The following FMN1 variants were observed in gnomAD, a reference collection of about 807,000 sequenced individuals.
The protein encoded by FMN1 is formin-1.
In FMN1, 110 loss-of-function variants were observed where a neutral mutation model predicts 132.4. The ratio of observed to expected loss-of-function variants is 0.83; its 90% CI spans 0.71 to 0.97. FMN1 has a LOEUF of 0.97. Among genes scored for constraint, FMN1 ranks in the 50% least tolerant of loss-of-function variants. The probability of loss-of-function intolerance (pLI) is 0.00; values close to 1 mark genes in which losing one functional copy is unlikely to be tolerated. For missense variants in FMN1, 1,792 were observed against 1,705.3 expected (o/e 1.05, Z -0.90); for synonymous variants, 722 against 651.7 (o/e 1.11, Z -1.64).
chr15:32,774,467 C>T, intron 20 of FMN1, 113 bp from the exon 21 acceptor site: 1 of 802,222 alleles, frequency 1.2e-6, no homozygotes, highest in Non-Finnish European at 2.0e-6. Context: ...GCCAAATGGC[C>T]TAGAAATGAG....
intron 17 of FMN1, chr15:32,810,832 ACACTTT>A (rs2057850407): frequency 2.6e-6 from 1 of 385,228 alleles, no homozygotes; most frequent in Non-Finnish European, 5.1e-6. Context: ...ACAGTCTATT[ACACTTT>A]AATATACCAT....
rs139021436 is a variant in FMN1 at position 33,059,858 on chromosome 15, T to C, written c.2161+5099A>G. ...CTCCTGAGCCAAAGATCTTTACTAG[T>C]ATCTCCTTGAACACAATATGTGATT... On this transcript the variant is annotated intron_variant, in intron 6 of 20. Transcript: ENST00000616417. 2.0e-3 allele frequency among the ~76,000 whole-genome samples: 312 copies of C among 152,374 alleles called. 2 individuals are homozygous for C. Among genetic ancestry groups the C allele is most frequent in the African/African-American group, 7.3e-3 (304 of 41,592 alleles).
intron 5 of FMN1, among the ~76,000 whole-genome samples, chr15:33,080,545 G>T (rs1008512830): frequency 2.0e-4 from 31 of 152,276 alleles, no homozygotes; most frequent in African/African-American, 7.0e-4. Context: ...CTGACGTCAG[G>T]AGTTCAAGAC....
In FMN1 at chr15:32,767,786, T is replaced by A. The variant is rs2056096392; in HGVS notation, c.*6524A>T. 1 of 152,178 alleles carries A rather than the reference T, an allele frequency of 6.6e-6. No individual in the cohort carries two copies. Among genetic ancestry groups the A allele is most frequent in the East Asian group, 1.9e-4 (1 of 5,198 alleles). 9.4% of individuals were successfully genotyped at this position (152,178 alleles called of 1,614,324 possible). A position where few individuals can be genotyped will look rare whatever the true frequency, so the allele number is the denominator to read the frequency against. On this transcript the variant is annotated 3_prime_UTR_variant, in exon 21 of 21. Transcript: ENST00000616417. ...GGAGTAGACCTATCCCTTAGGTAGA[T>A]CCCCAAAACCTATTTGTGTCATTGC...
chr15:33,111,112 A>AC (rs2039684720), intron 4 of FMN1, among the ~76,000 whole-genome samples: 3 of 129,246 alleles, frequency 2.3e-5, no homozygotes, highest in African/African-American at 1.0e-4. Context: ...CTCACAATCT[A>AC]TGAGATGATT....
At chr15:33,103,670 C>G (rs2039376620) in intron 4 of FMN1, among the ~76,000 whole-genome samples, 1 of 152,044 alleles carries the variant, frequency 6.6e-6, no homozygotes, top group Non-Finnish European at 1.5e-5. Context: ...AACAAAAACC[C>G]TAATCCACCA....
intron 15 of FMN1, among the ~76,000 whole-genome samples, chr15:32,895,394 C>T (rs142793615): frequency 0.017 from 2,534 of 151,892 alleles, 64 homozygotes; most frequent in African/African-American, 0.059. Context: ...CTTGCTTGCC[C>T]ATAAAGCATA....
chr15:33,104,234 C>G (rs896773487), intron 4 of FMN1, among the ~76,000 whole-genome samples: 7 of 152,032 alleles, frequency 4.6e-5, no homozygotes, highest in African/African-American at 1.7e-4. Flanking sequence ...ATAATGGCTT[C>G]AAAACAACAA....
intron 19 of FMN1, among the ~76,000 whole-genome samples, chr15:32,777,377 G>A (rs1028744299): frequency 2.3e-4 from 34 of 150,132 alleles, no homozygotes; most frequent in African/African-American, 7.5e-4. Flanking sequence ...GATAACCTAC[G>A]GAATGGGAAA....
intron 17 of FMN1, among the ~76,000 whole-genome samples, chr15:32,815,630 G>T (rs934202537): frequency 1.3e-5 from 2 of 152,180 alleles, no homozygotes; most frequent in Admixed American, 1.3e-4. Flanking sequence ...AATAGATAGT[G>T]GATTTTCCAA....
At position 32,804,279 on chromosome 15, in the gene FMN1, A is replaced by ACCTTTTCT; in HGVS notation, c.3974_3980+1dup. The ACCTTTTCT allele has an allele frequency of 6.4e-7, 1 of 1,565,004 alleles. No homozygotes were observed. Among genetic ancestry groups the ACCTTTTCT allele is most frequent in the Non-Finnish European group, 8.7e-7 (1 of 1,152,902 alleles). On this transcript the variant is annotated splice_donor_variant, in intron 18 of 20. Coordinates refer to ENST00000616417, the MANE Select transcript of FMN1 (RefSeq NM_001277313.2). LOFTEE classifies it high-confidence loss of function. Reference sequence around the variant, plus strand: ...AACTGGGGCCAAATCAGAGCTGCTTACCTTTTCTGTGCATTCTCCAAGTGA... The same window carrying ACCTTTTCT: ...AACTGGGGCCAAATCAGAGCTGCTTACCTTTTCTCCTTTTCTGTGCATTCTCCAAGTGA...
At chr15:33,096,007 A>G (rs1048796343) in intron 4 of FMN1, among the ~76,000 whole-genome samples, 13 of 152,140 alleles carry the variant, frequency 8.5e-5, no homozygotes, top group Admixed American at 3.9e-4. Context: ...TACCAAAAAA[A>G]AAAAAAGAAG....
At chr15:32,899,385 G>C (rs78886127) in intron 14 of FMN1, among the ~76,000 whole-genome samples, 166 of 152,316 alleles carry the variant, frequency 1.1e-3, no homozygotes, top group African/African-American at 3.8e-3. Context: ...GGCAGCCTTT[G>C]TGTCCTGCTC....
chr15:32,931,816 A>G (rs1465805755), intron 9 of FMN1, among the ~76,000 whole-genome samples: 1 of 152,174 alleles, frequency 6.6e-6, no homozygotes, highest in African/African-American at 2.4e-5. Context: ...CTTGATTATA[A>G]TATTAGCTTT....
intron 9 of FMN1, among the ~76,000 whole-genome samples, chr15:32,945,995 C>G (rs1217223715): frequency 6.7e-6 from 1 of 149,958 alleles, no homozygotes; most frequent in Non-Finnish European, 1.5e-5. Flanking sequence ...TGGCTAACAG[C>G]TGCTGATATG....
At chr15:32,956,827 G>A (rs1299118452) in intron 9 of FMN1, among the ~76,000 whole-genome samples, 1 of 152,086 alleles carries the variant, frequency 6.6e-6, no homozygotes. Flanking sequence ...AAAGCAATAG[G>A]TTATGAAAAC....
At chr15:32,984,978 C>CAAA (rs11330959) in intron 7 of FMN1, among the ~76,000 whole-genome samples, 5,480 of 97,022 alleles carry the variant, frequency 0.056, 97 homozygotes, top group Middle Eastern at 0.095. Flanking sequence ...CATCCATCAC[C>CAAA]AAAAAAAAAA....
chr15:33,117,905 T>C (rs1370761226), intron 4 of FMN1, among the ~76,000 whole-genome samples: 1 of 152,202 alleles, frequency 6.6e-6, no homozygotes, highest in Non-Finnish European at 1.5e-5. Flanking sequence ...CTTCATCTAG[T>C]TTAGGTTATG....
Position 32,913,809 on chromosome 15 carries a change from G to C in FMN1, c.3227-3274C>G, listed in dbSNP as rs569700086. 7.2e-5 allele frequency among the ~76,000 whole-genome samples: 11 copies of C among 152,272 alleles called. No individual in the cohort carries two copies. The South Asian group carries it at 1.9e-3, about 26-fold the overall frequency. ...ACTGTCTCCCAGCATGGTACCAGGG[G>C]TGTAGCATGTATAACATAGATGTTT... On this transcript the variant is annotated intron_variant, in intron 10 of 20. Coordinates refer to ENST00000616417, the MANE Select transcript of FMN1 (RefSeq NM_001277313.2).
Sources: gnomAD v4.1 joint callset for allele counts (sites outside exome capture counted in the v4.1 genomes callset) on GRCh38, gnomAD v4.1.1 for gene constraint, MANE v1.5 for transcripts, NCBI Gene and HGNC (gene_info 2026-07-23, HGNC 2026-07-21) for gene names.